RBFOX1: variants seen among roughly 807,000 people sequenced by gnomAD.
RBFOX1 encodes RNA binding protein fox-1 homolog 1.
In RBFOX1, 8 loss-of-function variants were observed where a neutral mutation model predicts 57.7. The observed-to-expected ratio is 0.14, with a 90% CI of 0.08 to 0.25. The LOEUF (loss-of-function observed/expected upper bound fraction) is 0.25. RBFOX1 is among the 10% of genes least tolerant of loss of function. RBFOX1 has a pLI of 1.00. For missense variants in RBFOX1, 611 were observed against 548.5 expected, an observed-to-expected ratio of 1.11 and a Z score of -1.14; for synonymous variants, 326 against 222.4, an observed-to-expected ratio of 1.47 and a Z score of -4.15.
intron 2 of RBFOX1, among the ~76,000 whole-genome samples, chr16:5,531,362 C>T (rs954654643): frequency 6.6e-6 from 1 of 152,086 alleles, no homozygotes; most frequent in Non-Finnish European, 1.5e-5. Context: ...GTTTTGATTA[C>T]CGTTTGTCCA....
At chr16:5,251,565 G>C (rs2062454109) in intron 1 of RBFOX1, among the ~76,000 whole-genome samples, 1 of 152,132 alleles carries the variant, frequency 6.6e-6, no homozygotes, top group African/African-American at 2.4e-5. Context: ...GAAAGAAGTG[G>C]GGCTTCTCAG....
At chr16:5,665,195 C>T (rs980074740) in intron 3 of RBFOX1, among the ~76,000 whole-genome samples, 1 of 151,750 alleles carries the variant, frequency 6.6e-6, no homozygotes, top group South Asian at 2.1e-4. Flanking sequence ...AGGCGATCCT[C>T]CCACCTTAGT....
intron 4 of RBFOX1, among the ~76,000 whole-genome samples, chr16:7,083,600 C>T (rs924286319): frequency 4.6e-5 from 7 of 152,148 alleles, no homozygotes; most frequent in African/African-American, 1.4e-4. Flanking sequence ...AGTCTGCTAA[C>T]TCAGATGCAC....
At chr16:7,699,780 A>G (rs1396363909) in intron 14 of RBFOX1, among the ~76,000 whole-genome samples, 1 of 152,030 alleles carries the variant, frequency 6.6e-6, no homozygotes, top group Non-Finnish European at 1.5e-5. Context: ...TTAAAATGAC[A>G]TATGTCTTGC....
At chr16:5,735,338 A>G (rs1439115776) in intron 3 of RBFOX1, among the ~76,000 whole-genome samples, 4 of 152,226 alleles carry the variant, frequency 2.6e-5, no homozygotes, top group Admixed American at 6.5e-5. Flanking sequence ...AACAAAGCAG[A>G]CTATTGCCTG....
chr16:7,254,320 C>T (rs1278145598), intron 4 of RBFOX1, among the ~76,000 whole-genome samples: 2 of 152,112 alleles, frequency 1.3e-5, no homozygotes, highest in East Asian at 1.9e-4. Context: ...TCTTGGATTA[C>T]TAATTCAGCA....
intron 2 of RBFOX1, among the ~76,000 whole-genome samples, chr16:6,572,915 G>T (rs1476233312): frequency 6.6e-6 from 1 of 152,070 alleles, no homozygotes; most frequent in African/African-American, 2.4e-5. Context: ...CTTACTAAGT[G>T]CCTACTTTGT....
chr16:6,780,658 T>A (rs904832311), intron 3 of RBFOX1, among the ~76,000 whole-genome samples: 1 of 148,494 alleles, frequency 6.7e-6, no homozygotes, highest in South Asian at 2.1e-4. Flanking sequence ...TATGTATATA[T>A]CTATATTGCC....
At chr16:7,152,032 G>T (rs1009002433) in intron 4 of RBFOX1, among the ~76,000 whole-genome samples, 8 of 152,156 alleles carry the variant, frequency 5.3e-5, no homozygotes, top group African/African-American at 1.7e-4. Context: ...ATCGCCTGAG[G>T]TTTATGGACC....
chr16:5,337,656 C>T (rs1314064675), intron 1 of RBFOX1, among the ~76,000 whole-genome samples: 3 of 152,070 alleles, frequency 2.0e-5, no homozygotes. Flanking sequence ...TATGTAAGAC[C>T]ACAGAATTAA....
chr16:7,008,184 A>G (rs1372977362), intron 3 of RBFOX1, among the ~76,000 whole-genome samples: 2 of 152,226 alleles, frequency 1.3e-5, no homozygotes, highest in Non-Finnish European at 2.9e-5. Context: ...AGAAAATGTA[A>G]CAGGATGATA....
At chr16:5,752,184 T>G (rs925982735) in intron 3 of RBFOX1, among the ~76,000 whole-genome samples, 3 of 152,316 alleles carry the variant, frequency 2.0e-5, no homozygotes, top group Non-Finnish European at 4.4e-5. Context: ...GAAAACCACA[T>G]ACTGCATGTT....
intron 4 of RBFOX1, among the ~76,000 whole-genome samples, chr16:7,201,754 T>G (rs1007037989): frequency 2.6e-5 from 4 of 152,096 alleles, no homozygotes; most frequent in Non-Finnish European, 1.5e-5. Flanking sequence ...AGAGCCACCA[T>G]GCCCGGCCGA....
At chr16:6,396,111 A>G (rs1305071015) in intron 2 of RBFOX1, among the ~76,000 whole-genome samples, 4 of 149,224 alleles carry the variant, frequency 2.7e-5, no homozygotes, top group Non-Finnish European at 5.9e-5. Context: ...CTTTACTCTT[A>G]TGGCAGTAAC....
chr16:6,101,041 C>G (rs1322293371), intron 1 of RBFOX1, among the ~76,000 whole-genome samples: 1 of 152,130 alleles, frequency 6.6e-6, no homozygotes, highest in African/African-American at 2.4e-5. Flanking sequence ...CAGTTTTACC[C>G]CAAGTCCACC....
intron 4 of RBFOX1, among the ~76,000 whole-genome samples, chr16:5,888,397 TAA>T (rs1244463073): frequency 6.6e-6 from 1 of 152,202 alleles, no homozygotes; most frequent in African/African-American, 2.4e-5. Flanking sequence ...TATTGTTGCT[TAA>T]AAGTGTTTTA....
intron 3 of RBFOX1, among the ~76,000 whole-genome samples, chr16:6,680,282 T>TA (rs2058444565): frequency 7.6e-6 from 1 of 131,404 alleles, no homozygotes; most frequent in Non-Finnish European, 1.6e-5. Flanking sequence ...CTCTTTTTTT[T>TA]TTTTTTTTTT....
At chr16:7,478,906 C>T (rs539377282) in intron 4 of RBFOX1, among the ~76,000 whole-genome samples, 14 of 152,106 alleles carry the variant, frequency 9.2e-5, no homozygotes, top group South Asian at 8.3e-4. Context: ...TTTGTTAATT[C>T]GATGAGTAAA....
chr16:5,432,806 G>C (rs1437806833), intron 1 of RBFOX1, among the ~76,000 whole-genome samples: 1 of 151,526 alleles, frequency 6.6e-6, no homozygotes, highest in Non-Finnish European at 1.5e-5. Flanking sequence ...CTTTTTTTAA[G>C]ACAGGGTCTT....
Sources: allele counts gnomAD v4.1 joint callset (sites outside exome capture counted in the v4.1 genomes callset), GRCh38; gene constraint gnomAD v4.1.1; transcripts MANE v1.5; gene names NCBI Gene and HGNC (gene_info 2026-07-23, HGNC 2026-07-21).